The following BRIP1 variants were observed in gnomAD, a reference collection of about 807,000 sequenced individuals.
BRIP1 encodes Fanconi anemia group J protein.
BRIP1 carries 88 observed loss-of-function variants against 119.7 expected under a neutral mutation model. The observed-to-expected ratio is 0.74, with a 90% CI of 0.62 to 0.88. The LOEUF (loss-of-function observed/expected upper bound fraction) is 0.88, where lower values mean the gene tolerates loss of function less well. BRIP1 is among the 40% of genes least tolerant of loss of function. The pLI, the probability that BRIP1 is intolerant of heterozygous loss-of-function variation, is 0.00. For synonymous variants in BRIP1, 443 were observed against 496.5 expected, an observed-to-expected ratio of 0.89 and a Z score of 1.43; for missense variants, 1,259 against 1,455.4, an observed-to-expected ratio of 0.87 and a Z score of 2.20.
Position 61,780,776 on chromosome 17 carries a change from C to G in BRIP1, c.1794+64G>C. On this transcript the variant is annotated intron_variant, in intron 12 of 19. Transcript: ENST00000259008. The surrounding 1 kb of genome is among the most constrained non-coding windows in gnomAD (Gnocchi z 5.4). ...AACAACTATCTTTAAAAGAGTCAACCACATTTATTAAAATGCTGGTACTGA... is the reference window on the plus strand; with the variant it reads ...AACAACTATCTTTAAAAGAGTCAACGACATTTATTAAAATGCTGGTACTGA... 6.6e-7 allele frequency: 1 copy of G among 1,521,076 alleles called. No individual in the cohort carries two copies. The highest frequency in any genetic ancestry group is 1.7e-5 in the Admixed American group (1 of 59,876). The allele number at this position is 1,521,076 out of a possible 1,614,324, so 94.2% of individuals were successfully genotyped here.
rs2077783979 is a variant in BRIP1, at chr17:61,789,513, T to C, written c.1473+4084A>G. Reference sequence around the variant, plus strand: ...TTATAAACAATAAATACCTTAAAATTTTTAGGAGAAATATAACATAGGATA... The same window carrying C: ...TTATAAACAATAAATACCTTAAAATCTTTAGGAGAAATATAACATAGGATA... On this transcript the variant is annotated intron_variant, in intron 10 of 19. Coordinates refer to ENST00000259008, the MANE Select transcript of BRIP1 (RefSeq NM_032043.3). This position sits in a 1 kb window ranked among gnomAD's most constrained non-coding sequence, Gnocchi z 4.8. 1.3e-5 allele frequency among the ~76,000 whole-genome samples: 2 copies of C among 152,040 alleles called. No homozygotes were observed. The highest frequency in any genetic ancestry group is 2.4e-5 in the African/African-American group (1 of 41,414).
intron 16 of BRIP1, among the ~76,000 whole-genome samples, chr17:61,718,347 G>A (rs746093869): frequency 1.3e-5 from 2 of 152,158 alleles, no homozygotes; most frequent in African/African-American, 4.8e-5. Context: ...CCATACAAAG[G>A]TGAAACTCTA....
Position 61,860,397 on chromosome 17 carries a change from C to T in BRIP1, c.94-490G>A, listed in dbSNP as rs1232890456. On this transcript the variant is annotated intron_variant, in intron 2 of 19. Coordinates refer to ENST00000259008, the MANE Select transcript of BRIP1 (RefSeq NM_032043.3). This position sits in a 1 kb window ranked among gnomAD's most constrained non-coding sequence, Gnocchi z 4.1. The stretch of plus-strand genomic sequence containing the variant: ...ATAAGAAAGTTCACAGCAGCAGCCA[C>T]GCTTGTAATCCCATCACTTTGGGAG... Among the ~76,000 whole-genome samples the T allele has an allele frequency of 4.6e-5, 7 of 152,136 alleles. No individual in the cohort carries two copies. Among genetic ancestry groups the T allele is most frequent in the African/African-American group, 1.2e-4 (5 of 41,442 alleles).
intron 6 of BRIP1, among the ~76,000 whole-genome samples, chr17:61,811,557 A>G (rs2078162629): frequency 6.6e-6 from 1 of 152,106 alleles, no homozygotes; most frequent in African/African-American, 2.4e-5. Context: ...TTAGGCAAGT[A>G]AGGTATAAGG....
In BRIP1 at chr17:61,753,773, G is replaced by C. The variant is rs7217292; in HGVS notation, c.2098-9182C>G. ...TGCACTGCCATGTCTGGCTTGAAAA[G>C]AACAACAACAACAACAACAACAAAA... On this transcript the variant is annotated intron_variant, in intron 14 of 19. Coordinates refer to ENST00000259008, the MANE Select transcript of BRIP1 (RefSeq NM_032043.3). The surrounding 1 kb of genome is among the most constrained non-coding windows in gnomAD (Gnocchi z 4.6). 0.78 allele frequency among the ~76,000 whole-genome samples: 117,952 copies of C among 151,312 alleles called. 46,389 individuals are homozygous for C. The highest frequency in any genetic ancestry group is 0.86 in the African/African-American group (35,174 of 41,034).
At position 61,859,916 on chromosome 17, in the gene BRIP1, AC is replaced by A. The variant is rs2145853311; in HGVS notation, c.94-10del. The stretch of plus-strand genomic sequence containing the variant: ...TTTAATCCTCTGAGAATCTATGAAC[AC>A]AGAAACCAATGAAAATAATAAACAT... On this transcript the variant is annotated splice_polypyrimidine_tract_variant and intron_variant, in intron 2 of 19. Coordinates refer to ENST00000259008, the MANE Select transcript of BRIP1 (RefSeq NM_032043.3). The A allele has an allele frequency of 6.5e-7, 1 of 1,547,466 alleles. No individual in the cohort carries two copies. The highest frequency in any genetic ancestry group is 1.7e-5 in the Admixed American group (1 of 59,934).
intron 3 of BRIP1, among the ~76,000 whole-genome samples, chr17:61,858,376 T>G (rs1471835139): frequency 2.6e-5 from 2 of 77,602 alleles, no homozygotes; most frequent in Non-Finnish European, 4.3e-5. Context: ...GTATTTACTG[T>G]TTTTTTTTTT....
chr17:61,784,536 C>A (rs925662699), intron 10 of BRIP1, 112 bp from the exon 11 acceptor site: 5 of 984,720 alleles, frequency 5.1e-6, no homozygotes, highest in Non-Finnish European at 7.9e-6. Flanking sequence ...TTTAGGTGAA[C>A]AGAATTGCTA....
In BRIP1 at chr17:61,843,193, TGG is replaced by T. The variant is rs1567863562; in HGVS notation, c.627+3906_627+3907del. Among the ~76,000 whole-genome samples the T allele has an allele frequency of 1.3e-5, 2 of 151,962 alleles. No homozygotes were observed. Among genetic ancestry groups the T allele is most frequent in the African/African-American group, 4.8e-5 (2 of 41,374 alleles). On this transcript the variant is annotated intron_variant, in intron 6 of 19. Transcript: ENST00000259008. This position sits in a 1 kb window ranked among gnomAD's most constrained non-coding sequence, Gnocchi z 5.7. The stretch of plus-strand genomic sequence containing the variant: ...TACATAGAAACAGAAATCAGAACAA[TGG>T]TTACTGGGGCAGGGAGGTGGGGGAT...
intron 6 of BRIP1, among the ~76,000 whole-genome samples, chr17:61,835,630 G>A (rs1420455043): frequency 6.6e-6 from 1 of 151,814 alleles, no homozygotes; most frequent in East Asian, 1.9e-4. Flanking sequence ...AATTAGGGCA[G>A]GGGTCTACTG....
At position 61,695,837 on chromosome 17, in the gene BRIP1, G is replaced by C. The variant is rs189098802; in HGVS notation, c.2493-2325C>G. 3.5e-4 allele frequency among the ~76,000 whole-genome samples: 53 copies of C among 152,178 alleles called. No individual in the cohort carries two copies. The East Asian group carries it at 0.01, about 29-fold the overall frequency. On this transcript the variant is annotated intron_variant, in intron 17 of 19. Coordinates refer to ENST00000259008, the MANE Select transcript of BRIP1 (RefSeq NM_032043.3). This position sits in a 1 kb window ranked among gnomAD's most constrained non-coding sequence, Gnocchi z 4.3. ...TATTGGTCTTGTAACCTGAAACCTT[G>C]CTGAACCTATCAGTTCTGTTATTTT...
chr17:61,846,987 G>A lies in BRIP1; in HGVS notation c.627+114C>T. The A allele has an allele frequency of 1.5e-6, 2 of 1,299,980 alleles. No individual in the cohort carries two copies. The highest frequency in any genetic ancestry group is 2.5e-5 in the South Asian group (2 of 80,490). 80.5% of individuals were successfully genotyped at this position (1,299,980 alleles called of 1,614,324 possible). A position where few individuals can be genotyped will look rare whatever the true frequency, so the allele number is the denominator to read the frequency against. ...AGATGTGACAGCATTGAGGACTTCT[G>A]AGTGGGTTGCTACTGTCCTTTGTAT... On this transcript the variant is annotated intron_variant, in intron 6 of 19. Transcript: ENST00000259008. The surrounding 1 kb of genome is among the most constrained non-coding windows in gnomAD (Gnocchi z 4.3).
intron 14 of BRIP1, among the ~76,000 whole-genome samples, chr17:61,771,328 T>A (rs1441337270): frequency 6.6e-6 from 1 of 152,138 alleles, no homozygotes; most frequent in East Asian, 1.9e-4. Flanking sequence ...TATTCTGGAA[T>A]TAGACAGTGG....
At chr17:61,787,146 TA>T (rs1162642960) in intron 10 of BRIP1, among the ~76,000 whole-genome samples, 7 of 93,396 alleles carry the variant, frequency 7.5e-5, no homozygotes, top group South Asian at 3.4e-4. Flanking sequence ...ATAAAATATA[TA>T]AAAATATATT....
intron 10 of BRIP1, among the ~76,000 whole-genome samples, chr17:61,791,477 A>G (rs1329128601): frequency 8.8e-6 from 1 of 113,364 alleles, no homozygotes; most frequent in Non-Finnish European, 1.9e-5. Context: ...CAACAGAGTG[A>G]GACTTCATCT....
chr17:61,781,750 G>A (rs982565766), intron 11 of BRIP1, among the ~76,000 whole-genome samples: 9 of 151,550 alleles, frequency 5.9e-5, no homozygotes, highest in East Asian at 2.0e-4. Flanking sequence ...GTGAAACCCC[G>A]TCTCTACTAA....
intron 3 of BRIP1, among the ~76,000 whole-genome samples, chr17:61,859,237 T>C (rs1462432340): frequency 1.4e-5 from 2 of 145,816 alleles, no homozygotes; most frequent in Non-Finnish European, 3.0e-5. Flanking sequence ...ATTAAAGGAT[T>C]TCCCCCCCCA....
At position 61,834,380 on chromosome 17, in the gene BRIP1, C is replaced by G. The variant is rs1437750744; in HGVS notation, c.627+12721G>C. On this transcript the variant is annotated intron_variant, in intron 6 of 19. Transcript: ENST00000259008. This position sits in a 1 kb window ranked among gnomAD's most constrained non-coding sequence, Gnocchi z 4.4. ...GATTGCAGGAGTGAGCCACCACGCTCGGCCCAATAATTACGATTTTTTTGA... is the reference window on the plus strand; with the variant it reads ...GATTGCAGGAGTGAGCCACCACGCTGGGCCCAATAATTACGATTTTTTTGA... Among the ~76,000 whole-genome samples, 5 of 151,968 alleles carry G rather than the reference C, an allele frequency of 3.3e-5. No individual in the cohort carries two copies. In the East Asian group the frequency reaches 9.6e-4, roughly 29 times the overall value.
rs561459600 is a variant in BRIP1, at chr17:61,859,493, G to T, written c.205+303C>A. On this transcript the variant is annotated intron_variant, in intron 3 of 19. Coordinates refer to ENST00000259008, the MANE Select transcript of BRIP1 (RefSeq NM_032043.3). ...ACTACAAGTGTACATCACCATGCCTGGCTAATTGATTGTCAATTTTTGTAG... is the reference window on the plus strand; with the variant it reads ...ACTACAAGTGTACATCACCATGCCTTGCTAATTGATTGTCAATTTTTGTAG... 1.2e-4 allele frequency among the ~76,000 whole-genome samples: 18 copies of T among 152,212 alleles called. No homozygotes were observed. In the South Asian group the frequency reaches 3.7e-3, roughly 32 times the overall value.
Sources: allele counts gnomAD v4.1 joint callset (sites outside exome capture counted in the v4.1 genomes callset), GRCh38; gene constraint gnomAD v4.1.1; non-coding constraint Gnocchi (gnomAD v3.1); transcripts MANE v1.5; gene names NCBI Gene and HGNC (gene_info 2026-07-23, HGNC 2026-07-21).